Variants in CAPZA1 observed in about 807,000 individuals in gnomAD.
CAPZA1 encodes capping actin protein of muscle Z-line subunit alpha 1.
Under a neutral mutation model 40.8 loss-of-function variants are expected in CAPZA1, and 10 were observed. The ratio of observed to expected loss-of-function variants is 0.25; its 90% CI spans 0.15 to 0.42. CAPZA1 has a LOEUF of 0.42. Among genes scored for constraint, CAPZA1 ranks in the 10% least tolerant of loss-of-function variants. The probability of loss-of-function intolerance (pLI) is 1.00; values close to 1 mark genes in which losing one functional copy is unlikely to be tolerated. For missense variants in CAPZA1, 277 were observed against 353.8 expected (o/e 0.78, Z 1.74); for synonymous variants, 98 against 115.0 (o/e 0.85, Z 0.95).
At chr1:112,629,371 G>T (rs753259979) in intron 1 of CAPZA1, among the ~76,000 whole-genome samples, 3 of 152,168 alleles carry the variant, frequency 2.0e-5, no homozygotes, top group Non-Finnish European at 4.4e-5. Context: ...TCTTTGCCTT[G>T]TTTTTTCTCC....
chr1:112,651,903 G>A (rs1056578891), intron 3 of CAPZA1, among the ~76,000 whole-genome samples: 2 of 151,750 alleles, frequency 1.3e-5, no homozygotes, highest in African/African-American at 4.8e-5. Context: ...ATCACCTGAG[G>A]TCAGGAGTTC....
At chr1:112,663,956 G>A (rs565184162) in intron 7 of CAPZA1, among the ~76,000 whole-genome samples, 44 of 152,042 alleles carry the variant, frequency 2.9e-4, no homozygotes, top group South Asian at 8.6e-4. Context: ...GATACTTGCC[G>A]GGCACGGTGG....
rs1047308971 is a variant in CAPZA1 at position 112,627,925 on chromosome 1, A to C, written c.39+8042A>C. Among the ~76,000 whole-genome samples, 3 of 152,008 alleles carry C rather than the reference A, an allele frequency of 2.0e-5. No homozygotes were observed. The East Asian group carries it at 5.8e-4, about 29-fold the overall frequency. On this transcript the variant is annotated intron_variant, in intron 1 of 9. Transcript: ENST00000263168. Reference sequence around the variant, plus strand: ...CAGTGAGCCAAGATTGCGCCATTGCACTCCAGCCTGGGCAACAAGAGTGAA... The same window carrying C: ...CAGTGAGCCAAGATTGCGCCATTGCCCTCCAGCCTGGGCAACAAGAGTGAA...
At chr1:112,640,654 C>T (rs1057142506) in intron 1 of CAPZA1, among the ~76,000 whole-genome samples, 1 of 152,110 alleles carries the variant, frequency 6.6e-6, no homozygotes, top group Non-Finnish European at 1.5e-5. Flanking sequence ...AGGGGTGCCT[C>T]TGCCCGGCCG....
At chr1:112,642,533 G>A (rs1406271755) in intron 1 of CAPZA1, among the ~76,000 whole-genome samples, 2 of 152,002 alleles carry the variant, frequency 1.3e-5, no homozygotes, top group African/African-American at 4.8e-5. Flanking sequence ...TCTTTTTAAT[G>A]TAGGTATACA....
intron 1 of CAPZA1, among the ~76,000 whole-genome samples, chr1:112,632,996 A>G (rs1308578080): frequency 2.6e-5 from 4 of 152,198 alleles, no homozygotes; most frequent in South Asian, 2.1e-4. Context: ...TACATCTACA[A>G]TTTTATTTCT....
intron 1 of CAPZA1, among the ~76,000 whole-genome samples, chr1:112,631,178 C>A (rs1426066358): frequency 6.6e-6 from 1 of 152,250 alleles, no homozygotes; most frequent in Non-Finnish European, 1.5e-5. Context: ...CAATCCTACT[C>A]TTTGTCTTTA....
chr1:112,659,596 TTC>T (rs1671563086), intron 6 of CAPZA1, 103 bp from the exon 7 acceptor site: 17 of 765,774 alleles, frequency 2.2e-5, no homozygotes, highest in Admixed American at 1.9e-4. Context: ...CTTTTTTTTT[TTC>T]TTTTTTTGCA....
intron 8 of CAPZA1, among the ~76,000 whole-genome samples, chr1:112,667,707 T>A (rs936446660): frequency 4.0e-5 from 6 of 151,810 alleles, no homozygotes; most frequent in African/African-American, 7.3e-5. Flanking sequence ...CTAATTTTTT[T>A]ATTTTTGGTA....
At chr1:112,622,945 G>A (rs1233373618) in intron 1 of CAPZA1, among the ~76,000 whole-genome samples, 4 of 151,242 alleles carry the variant, frequency 2.6e-5, no homozygotes, top group Non-Finnish European at 5.9e-5. Flanking sequence ...GAGTGCAGTG[G>A]TACGATCTCG....
At chr1:112,646,079 G>A (rs1481824364) in intron 1 of CAPZA1, among the ~76,000 whole-genome samples, 1 of 152,072 alleles carries the variant, frequency 6.6e-6, no homozygotes, top group Admixed American at 6.5e-5. Context: ...AAAATATAGA[G>A]GAAAACAATG....
intron 1 of CAPZA1, among the ~76,000 whole-genome samples, chr1:112,626,641 CA>C (rs923608125): frequency 1.3e-5 from 2 of 152,172 alleles, no homozygotes; most frequent in African/African-American, 4.8e-5. Context: ...TATTTTCACT[CA>C]GGACCTTTTT....
intron 1 of CAPZA1, among the ~76,000 whole-genome samples, chr1:112,643,682 A>C (rs1371376398): frequency 6.6e-6 from 1 of 152,144 alleles, no homozygotes; most frequent in Non-Finnish European, 1.5e-5. Flanking sequence ...AGTTATTGGA[A>C]CCCAAATTTT....
chr1:112,659,581 T>C, intron 6 of CAPZA1, 120 bp from the exon 7 acceptor site: 1 of 693,410 alleles, frequency 1.4e-6, no homozygotes, highest in Non-Finnish European at 2.4e-6. Flanking sequence ...AGTTTCTCTC[T>C]CTCTCTTTTT....
chr1:112,641,401 A>C (rs1671159649), intron 1 of CAPZA1, among the ~76,000 whole-genome samples: 1 of 152,160 alleles, frequency 6.6e-6, no homozygotes, highest in East Asian at 1.9e-4. Flanking sequence ...GTGTAAATAT[A>C]TATAATTTCT....
intron 1 of CAPZA1, among the ~76,000 whole-genome samples, chr1:112,624,626 A>AG (rs1670761610): frequency 6.6e-6 from 1 of 150,790 alleles, no homozygotes; most frequent in Admixed American, 6.6e-5. Flanking sequence ...AAAAAAAAAA[A>AG]AAAAAGAGGT....
intron 1 of CAPZA1, among the ~76,000 whole-genome samples, chr1:112,643,721 G>C (rs1671225218): frequency 6.6e-6 from 1 of 152,156 alleles, no homozygotes; most frequent in Non-Finnish European, 1.5e-5. Context: ...TCAATCACTA[G>C]GCCTTTCTTG....
At chr1:112,643,592 C>G (rs949667046) in intron 1 of CAPZA1, among the ~76,000 whole-genome samples, 2 of 152,118 alleles carry the variant, frequency 1.3e-5, no homozygotes, top group East Asian at 3.9e-4. Flanking sequence ...GATGGATTAT[C>G]ATGAGAAAAC....
chr1:112,633,510 G>A (rs1042605664), intron 1 of CAPZA1, among the ~76,000 whole-genome samples: 2 of 151,934 alleles, frequency 1.3e-5, no homozygotes, highest in African/African-American at 2.4e-5. Flanking sequence ...TGATACTTAG[G>A]TTACTTTTGT....
Sources: allele counts gnomAD v4.1 joint callset (sites outside exome capture counted in the v4.1 genomes callset), GRCh38; gene constraint gnomAD v4.1.1; transcripts MANE v1.5; gene names NCBI Gene and HGNC (gene_info 2026-07-23, HGNC 2026-07-21).